The following IQCK variants were observed in gnomAD, a reference collection of about 807,000 sequenced individuals.
IQCK encodes IQ domain-containing protein K.
IQCK carries 29 observed loss-of-function variants against 28.1 expected under a neutral mutation model. That is an observed-to-expected ratio of 1.03 (90% confidence interval 0.77 to 1.41). The LOEUF is 1.41. Ranked by LOEUF, IQCK falls within the 40% of genes most tolerant of loss-of-function variation. The pLI is 0.00. For missense variants in IQCK, 359 were observed against 314.7 expected (o/e 1.14, Z -1.07); for synonymous variants, 113 against 115.1 (o/e 0.98, Z 0.12).
At chr16:19,773,049 G>T (rs1042560232) in intron 6 of IQCK, among the ~76,000 whole-genome samples, 6 of 152,076 alleles carry the variant, frequency 3.9e-5, no homozygotes, top group African/African-American at 1.4e-4. Context: ...ATTGTTCAAA[G>T]CTCCTTATGA....
chr16:19,786,449 G>T (rs1279089234), intron 6 of IQCK, among the ~76,000 whole-genome samples: 1 of 147,980 alleles, frequency 6.8e-6, no homozygotes, highest in Non-Finnish European at 1.5e-5. Context: ...TGTAATCCCA[G>T]CACTTTGGGA....
At chr16:19,766,850 A>C (rs1272416931) in intron 6 of IQCK, among the ~76,000 whole-genome samples, 2 of 152,200 alleles carry the variant, frequency 1.3e-5, no homozygotes, top group African/African-American at 4.8e-5. Context: ...TGGGTAGGTC[A>C]CTTGAGGTCA....
intron 1 of IQCK, among the ~76,000 whole-genome samples, chr16:19,725,919 T>C (rs550616858): frequency 3.8e-4 from 57 of 150,576 alleles, no homozygotes; most frequent in African/African-American, 1.3e-3. Context: ...TTCTTTTTTT[T>C]CTTTTTTTTT....
chr16:19,850,594 T>C (rs901086078), intron 9 of IQCK, among the ~76,000 whole-genome samples: 1 of 152,146 alleles, frequency 6.6e-6, no homozygotes, highest in Non-Finnish European at 1.5e-5. Context: ...TGGCAGATGG[T>C]CATCTATTGA....
At chr16:19,760,867 T>C (rs1459103011) in intron 4 of IQCK, among the ~76,000 whole-genome samples, 1 of 152,186 alleles carries the variant, frequency 6.6e-6, no homozygotes, top group African/African-American at 2.4e-5. Flanking sequence ...TGGTTATTTC[T>C]TGAGTATATG....
At chr16:19,833,028 A>G (rs2056252267) in intron 9 of IQCK, among the ~76,000 whole-genome samples, 1 of 152,158 alleles carries the variant, frequency 6.6e-6, no homozygotes, top group African/African-American at 2.4e-5. Context: ...TATCATACAT[A>G]CTGTGTAATG....
At chr16:19,755,861 CAT>C (rs1322347775) in intron 4 of IQCK, among the ~76,000 whole-genome samples, 1 of 152,216 alleles carries the variant, frequency 6.6e-6, no homozygotes, top group Admixed American at 6.5e-5. Flanking sequence ...ATGGGCATGA[CAT>C]ATATCATTTC....
At chr16:19,856,528 A>G (rs1440263742) in exon 10 of IQCK, 25 of 1,614,018 alleles carry the variant, frequency 1.5e-5, no homozygotes, top group Admixed American at 8.3e-5. Flanking sequence ...TGCAGCCAAG[A>G]TGAAAATTCC....
At position 19,827,131 on chromosome 16, in the gene IQCK, C is replaced by CA; in HGVS notation, c.801dup (p.Gly268ArgfsTer2). On this transcript the variant is annotated frameshift_variant, in exon 8 of 8. Transcript: ENST00000564186. LOFTEE classifies it low-confidence loss of function (END_TRUNC). The stretch of plus-strand genomic sequence containing the variant: ...CAAAATTTTCTGGGCCAAGCAAGAA[C>CA]AAAAAGGTAAGTTGCTGGATTCACT... 1 of 1,609,028 alleles carries CA rather than the reference C, an allele frequency of 6.2e-7. No homozygotes were observed. Among genetic ancestry groups the CA allele is most frequent in the East Asian group, 2.2e-5 (1 of 44,870 alleles).
At chr16:19,790,598 G>T (rs537240487) in intron 7 of IQCK, among the ~76,000 whole-genome samples, 1 of 114,500 alleles carries the variant, frequency 8.7e-6, no homozygotes, top group East Asian at 2.1e-4. Flanking sequence ...TAAGAAGTTG[G>T]ATTAATCCTA....
At chr16:19,741,824 T>TA (rs2054839474) in intron 4 of IQCK, among the ~76,000 whole-genome samples, 1 of 152,068 alleles carries the variant, frequency 6.6e-6, no homozygotes, top group Non-Finnish European at 1.5e-5. Flanking sequence ...CCGTCTCTAC[T>TA]AAAAATACCA....
chr16:19,723,918 C>A (rs1413507774), intron 1 of IQCK, among the ~76,000 whole-genome samples: 1 of 151,732 alleles, frequency 6.6e-6, no homozygotes, highest in Non-Finnish European at 1.5e-5. Context: ...CGAGATCATG[C>A]CATTGCCCTC....
exon 10 of IQCK, chr16:19,858,302 G>C (rs1597620182): frequency 2.3e-6 from 1 of 439,592 alleles, no homozygotes; most frequent in Non-Finnish European, 4.0e-6. Flanking sequence ...CCCTAAGTGC[G>C]ATAACATATC....
intron 9 of IQCK, among the ~76,000 whole-genome samples, chr16:19,834,848 G>T (rs1010439279): frequency 1.2e-4 from 18 of 152,166 alleles, no homozygotes; most frequent in African/African-American, 4.1e-4. Flanking sequence ...TCTACCATTA[G>T]TTGAGAACCT....
chr16:19,763,277 A>G (rs932202936), intron 4 of IQCK, among the ~76,000 whole-genome samples: 3 of 152,176 alleles, frequency 2.0e-5, no homozygotes, highest in Non-Finnish European at 4.4e-5. Flanking sequence ...AAGAGAAAAT[A>G]TATTTACTAG....
intron 1 of IQCK, among the ~76,000 whole-genome samples, chr16:19,728,389 A>G (rs1324794349): frequency 1.3e-5 from 2 of 152,152 alleles, no homozygotes; most frequent in Non-Finnish European, 2.9e-5. Context: ...GCTGGGGATT[A>G]TAAGTGCCTG....
chr16:19,833,696 T>C (rs2056260829), intron 9 of IQCK, among the ~76,000 whole-genome samples: 1 of 152,146 alleles, frequency 6.6e-6, no homozygotes, highest in South Asian at 2.1e-4. Flanking sequence ...TTCCCTAATT[T>C]TAATTTAGAC....
chr16:19,835,002 T>C (rs11866391), intron 9 of IQCK, among the ~76,000 whole-genome samples: 38,468 of 152,136 alleles, frequency 0.25, 5,285 homozygotes, highest in African/African-American at 0.35. Flanking sequence ...CGGTGGCTCA[T>C]GCCTATAGCT....
chr16:19,830,162 G>C (rs1341053109), downstream of IQCK, among the ~76,000 whole-genome samples: 2 of 152,216 alleles, frequency 1.3e-5, no homozygotes, highest in South Asian at 2.1e-4. Context: ...AGCTATCACT[G>C]TTTGGCTGGC....
Sources: gnomAD v4.1 joint callset for allele counts (sites outside exome capture counted in the v4.1 genomes callset) on GRCh38, gnomAD v4.1.1 for gene constraint, MANE v1.5 for transcripts, NCBI Gene and HGNC (gene_info 2026-07-23, HGNC 2026-07-21) for gene names.